The following CDK5RAP2 variants were observed in gnomAD, a reference collection of about 807,000 sequenced individuals.
CDK5RAP2 encodes the protein CDK5 regulatory subunit-associated protein 2.
A neutral mutation model predicts 232.9 loss-of-function variants in CDK5RAP2; 147 were observed. That is an observed-to-expected ratio of 0.63 (90% CI 0.55 to 0.72). The LOEUF (loss-of-function observed/expected upper bound fraction) is 0.72, where lower values mean the gene tolerates loss of function less well. Among genes scored for constraint, CDK5RAP2 ranks in the 30% least tolerant of loss-of-function variants. The pLI, the probability that CDK5RAP2 is intolerant of heterozygous loss-of-function variation, is 0.00. For synonymous variants in CDK5RAP2, 833 were observed against 833.7 expected, an observed-to-expected ratio of 1.00 and a Z score of 0.01; for missense variants, 2,195 against 2,231.5, an observed-to-expected ratio of 0.98 and a Z score of 0.33.
chr9:120,533,955 T>C (rs1283382241), intron 7 of CDK5RAP2, among the ~76,000 whole-genome samples: 1 of 152,024 alleles, frequency 6.6e-6, no homozygotes, highest in Non-Finnish European at 1.5e-5. Context: ...CTCTGTCACC[T>C]CCACTTTGGT....
At chr9:120,518,226 AG>A (rs1347323889) in intron 12 of CDK5RAP2, among the ~76,000 whole-genome samples, 200 bp downstream of exon 12, 56 of 149,716 alleles carry the variant, frequency 3.7e-4, no homozygotes, top group African/African-American at 1.4e-3. Flanking sequence ...AGAGAGAGAG[AG>A]AGAGAGAGAG....
intron 13 of CDK5RAP2, among the ~76,000 whole-genome samples, chr9:120,489,968 T>A (rs563523875): frequency 1.3e-5 from 2 of 152,148 alleles, no homozygotes; most frequent in African/African-American, 4.8e-5. Context: ...CCACCACACC[T>A]GGCTAATTCT....
intron 12 of CDK5RAP2, among the ~76,000 whole-genome samples, chr9:120,495,652 TG>T (rs1564297277): frequency 1.5e-4 from 10 of 67,902 alleles, no homozygotes; most frequent in Non-Finnish European, 2.3e-4. Flanking sequence ...GGGAGGGAGG[TG>T]GGGGGGGGTC....
At chr9:120,576,992 C>T (rs1242653109) in intron 1 of CDK5RAP2, among the ~76,000 whole-genome samples, 1 of 152,158 alleles carries the variant, frequency 6.6e-6, no homozygotes, top group African/African-American at 2.4e-5. Context: ...GGACATAATG[C>T]TAAGTTAAAT....
intron 12 of CDK5RAP2, among the ~76,000 whole-genome samples, chr9:120,509,416 G>T (rs775979464): frequency 3.9e-5 from 6 of 152,110 alleles, no homozygotes; most frequent in Admixed American, 6.6e-5. Flanking sequence ...CAGGAACCAC[G>T]GTAGGCATTT....
intron 10 of CDK5RAP2, among the ~76,000 whole-genome samples, chr9:120,525,629 T>C (rs2040865514): frequency 6.6e-6 from 1 of 152,068 alleles, no homozygotes; most frequent in South Asian, 2.1e-4. Flanking sequence ...CTTTTTTTTT[T>C]TCCTTTGAGA....
chr9:120,545,938 A>G, intron 4 of CDK5RAP2, 148 bp from the exon 5 acceptor site: 1 of 688,664 alleles, frequency 1.5e-6, no homozygotes, highest in Non-Finnish European at 2.6e-6. Context: ...CATTAGCCTC[A>G]GGGCACAGGG....
intron 1 of CDK5RAP2, among the ~76,000 whole-genome samples, chr9:120,578,432 G>C (rs2043116773): frequency 6.6e-6 from 1 of 152,054 alleles, no homozygotes; most frequent in South Asian, 2.1e-4. Flanking sequence ...AATTAGACAG[G>C]AACTGCAAAG....
chr9:120,400,420 C>T (rs2131255420), intron 35 of CDK5RAP2, among the ~76,000 whole-genome samples: 1 of 152,332 alleles, frequency 6.6e-6, no homozygotes, highest in East Asian at 1.9e-4. Flanking sequence ...AAAGAATAAA[C>T]ATTGGGTTCC....
At position 120,492,174 on chromosome 9, in the gene CDK5RAP2, T is replaced by C. The variant is rs573429335; in HGVS notation, c.1312-697A>G. Among the ~76,000 whole-genome samples the C allele has an allele frequency of 3.3e-5, 5 of 152,264 alleles. No individual in the cohort carries two copies. The East Asian group carries it at 5.8e-4, about 18-fold the overall frequency. On this transcript the variant is annotated intron_variant, in intron 12 of 37. Transcript: ENST00000349780. The stretch of plus-strand genomic sequence containing the variant: ...TGCAATACTGAAGCACTATTCATAA[T>C]AGCAAAAGGCTGTGAACAATCCAAA...
At chr9:120,563,889 C>G (rs1489067280) in intron 3 of CDK5RAP2, among the ~76,000 whole-genome samples, 1 of 152,160 alleles carries the variant, frequency 6.6e-6, no homozygotes, top group African/African-American at 2.4e-5. Flanking sequence ...CGGCTGAGGC[C>G]AAGAATTTTC....
chr9:120,440,603 T>C (rs1425158540), intron 23 of CDK5RAP2, among the ~76,000 whole-genome samples: 3 of 152,114 alleles, frequency 2.0e-5, no homozygotes, highest in East Asian at 3.8e-4. Flanking sequence ...AAATATACTA[T>C]GTGCTGGGTG....
chr9:120,402,987 A>G lies in CDK5RAP2; in HGVS notation c.5126T>C (p.Val1709Ala), dbSNP rs144886935. ...GTGGTGGCCAGTGACCAGGCGGGAC[A>G]CACACGGAGTGCTAGTTGCCGAACT... is the stretch of plus-strand genomic sequence containing the variant. ...SGSSATSTPCVSRLVTGHHLW... is the reference protein window; with the variant it reads ...SGSSATSTPCASRLVTGHHLW... The change falls in exon 34 of 38, where the codon GTG (valine) becomes GCG (alanine). Residue 1709 changes from valine to alanine, a missense_variant. Coordinates refer to ENST00000349780, the MANE Select transcript of CDK5RAP2 (RefSeq NM_018249.6). 112 of 1,614,078 alleles carry G rather than the reference A, an allele frequency of 6.9e-5. No homozygotes were observed. The highest frequency in any genetic ancestry group is 8.9e-5 in the Non-Finnish European group (105 of 1,180,044).
chr9:120,493,448 G>A (rs748602618), intron 12 of CDK5RAP2, among the ~76,000 whole-genome samples: 4 of 152,056 alleles, frequency 2.6e-5, no homozygotes, highest in African/African-American at 7.2e-5. Context: ...CTTTATAGAC[G>A]TATTCAGCTA....
chr9:120,527,174 G>A (rs913602935), intron 10 of CDK5RAP2, among the ~76,000 whole-genome samples: 1 of 152,180 alleles, frequency 6.6e-6, no homozygotes, highest in Non-Finnish European at 1.5e-5. Flanking sequence ...AAACAGCACA[G>A]AACCATCAGC....
chr9:120,399,631 A>T (rs766770107), intron 35 of CDK5RAP2, among the ~76,000 whole-genome samples: 2 of 152,228 alleles, frequency 1.3e-5, no homozygotes, highest in Non-Finnish European at 2.9e-5. Flanking sequence ...CATCTGTGTC[A>T]CCTAAGCCTA....
At chr9:120,468,060 G>A (rs933306375) in intron 17 of CDK5RAP2, 63 bp from the exon 18 acceptor site, 24 of 1,567,968 alleles carry the variant, frequency 1.5e-5, no homozygotes, top group East Asian at 2.2e-5. Context: ...TCCCAGGGCC[G>A]CAGCCCCAGA....
At chr9:120,471,517 T>G (rs570553329) in intron 16 of CDK5RAP2, among the ~76,000 whole-genome samples, 1 of 152,180 alleles carries the variant, frequency 6.6e-6, no homozygotes, top group African/African-American at 2.4e-5. Flanking sequence ...CAGAAAACAG[T>G]AGAGGCAGCA....
intron 11 of CDK5RAP2, among the ~76,000 whole-genome samples, chr9:120,523,757 T>C: frequency 6.6e-6 from 1 of 152,212 alleles, no homozygotes; most frequent in East Asian, 1.9e-4. Context: ...TAAAACTGTA[T>C]TGATTTATTA....
Sources: allele counts gnomAD v4.1 joint callset (sites outside exome capture counted in the v4.1 genomes callset), GRCh38; gene constraint gnomAD v4.1.1; transcripts MANE v1.5; gene names NCBI Gene and HGNC (gene_info 2026-07-23, HGNC 2026-07-21).